RNF150: variants seen among roughly 807,000 people sequenced by gnomAD.
RNF150 encodes the protein ring finger protein 150.
A neutral mutation model predicts 39.3 loss-of-function variants in RNF150; 24 were observed. The observed-to-expected ratio is 0.61, with a 90% CI of 0.44 to 0.86. RNF150 has a LOEUF of 0.86. Ranked by LOEUF, RNF150 falls within the 40% of genes least tolerant of loss-of-function variation. RNF150 has a pLI of 0.00. For missense variants in RNF150, 502 were observed against 587.8 expected, an observed-to-expected ratio of 0.85 and a Z score of 1.51; for synonymous variants, 255 against 227.3, an observed-to-expected ratio of 1.12 and a Z score of -1.10.
chr4:141,038,392 T>C (rs760963759), intron 1 of RNF150, among the ~76,000 whole-genome samples: 5 of 152,062 alleles, frequency 3.3e-5, no homozygotes, highest in Admixed American at 6.6e-5. Flanking sequence ...GAGTAATAGA[T>C]TTAAAAAAGA....
intron 2 of RNF150, among the ~76,000 whole-genome samples, chr4:140,961,430 G>A (rs958972355): frequency 1.3e-5 from 2 of 152,080 alleles, no homozygotes; most frequent in African/African-American, 2.4e-5. Flanking sequence ...TGGATACTTC[G>A]ACAATGTAAA....
At chr4:141,057,191 G>T (rs1027754649) in intron 1 of RNF150, among the ~76,000 whole-genome samples, 1 of 151,900 alleles carries the variant, frequency 6.6e-6, no homozygotes, top group Non-Finnish European at 1.5e-5. Context: ...ACTTAAAACA[G>T]TGCCTTGCAT....
At chr4:140,906,734 C>A (rs771413013) in intron 6 of RNF150, among the ~76,000 whole-genome samples, 6 of 152,166 alleles carry the variant, frequency 3.9e-5, no homozygotes, top group Non-Finnish European at 7.3e-5. Context: ...ACACATCATG[C>A]CAAGTGCTTT....
intron 6 of RNF150, among the ~76,000 whole-genome samples, chr4:140,910,267 G>A (rs1730541448): frequency 6.6e-6 from 1 of 152,038 alleles, no homozygotes. Context: ...CAGTGAATAG[G>A]TTACTTCTGT....
At chr4:140,954,270 A>G (rs950504714) in intron 2 of RNF150, among the ~76,000 whole-genome samples, 3 of 151,986 alleles carry the variant, frequency 2.0e-5, no homozygotes, top group African/African-American at 7.2e-5. Context: ...CTGGAGTGCA[A>G]TGGCGTGAAT....
chr4:140,998,995 G>T (rs60417984), intron 1 of RNF150, among the ~76,000 whole-genome samples: 5 of 152,138 alleles, frequency 3.3e-5, no homozygotes, highest in African/African-American at 1.2e-4. Flanking sequence ...AAAGCCTCAC[G>T]AAGCAGGCTG....
At chr4:141,153,985 C>T (rs978651411) in intron 1 of RNF150, among the ~76,000 whole-genome samples, 5 of 152,204 alleles carry the variant, frequency 3.3e-5, no homozygotes, top group African/African-American at 9.7e-5. Flanking sequence ...CAAATTTCTC[C>T]ATCTCTCTGT....
intron 1 of RNF150, among the ~76,000 whole-genome samples, chr4:141,194,474 T>A (rs1728165853): frequency 6.6e-6 from 1 of 152,216 alleles, no homozygotes; most frequent in African/African-American, 2.4e-5. Context: ...GCCTTGTGAA[T>A]GCCAGATGTT....
At chr4:140,992,612 T>G (rs1455948230) in intron 1 of RNF150, among the ~76,000 whole-genome samples, 1 of 152,042 alleles carries the variant, frequency 6.6e-6, no homozygotes, top group Non-Finnish European at 1.5e-5. Flanking sequence ...TCCTCTACCT[T>G]TAACCCTCAG....
chr4:140,922,276 G>C (rs28868595), intron 5 of RNF150, among the ~76,000 whole-genome samples: 81,546 of 148,984 alleles, frequency 0.55, 22,857 homozygotes, highest in East Asian at 0.89. Context: ...CGAAGTCTCA[G>C]GACATAAAAT....
chr4:140,992,278 G>C (rs1301391165), intron 1 of RNF150, among the ~76,000 whole-genome samples: 1 of 152,134 alleles, frequency 6.6e-6, no homozygotes, highest in Non-Finnish European at 1.5e-5. Context: ...GCTGAGGTAG[G>C]AGGATCACTT....
chr4:140,895,154 G>A (rs1161661197), intron 6 of RNF150, among the ~76,000 whole-genome samples: 1 of 152,192 alleles, frequency 6.6e-6, no homozygotes, highest in Non-Finnish European at 1.5e-5. Context: ...GAGAGGGTCA[G>A]GGGGCACAGG....
At chr4:141,173,885 T>C (rs1476761440) in intron 1 of RNF150, among the ~76,000 whole-genome samples, 1 of 152,252 alleles carries the variant, frequency 6.6e-6, no homozygotes, top group African/African-American at 2.4e-5. Flanking sequence ...CTCATTCAAC[T>C]TTTCTTCTCA....
chr4:140,871,319 C>T (rs945022807), intron 6 of RNF150, among the ~76,000 whole-genome samples: 7 of 151,612 alleles, frequency 4.6e-5, no homozygotes, highest in African/African-American at 1.5e-4. Context: ...AACAAAGTTG[C>T]CTTTTTTACA....
intron 1 of RNF150, among the ~76,000 whole-genome samples, chr4:141,086,068 A>G (rs529664604): frequency 1.4e-5 from 2 of 141,720 alleles, no homozygotes; most frequent in African/African-American, 5.3e-5. Context: ...ACACACACAC[A>G]CCCTTCTAGG....
chr4:140,864,188 T>C lies in RNF150; in HGVS notation c.*4073A>G, dbSNP rs1013479744. 6.6e-6 allele frequency: 1 copy of C among 152,238 alleles called. No homozygotes were observed. The highest frequency in any genetic ancestry group is 2.4e-5 in the African/African-American group (1 of 41,452). 9.4% of individuals were successfully genotyped at this position (152,238 alleles called of 1,614,324 possible). A position where few individuals can be genotyped will look rare whatever the true frequency, so the allele number is the denominator to read the frequency against. On this transcript the variant is annotated 3_prime_UTR_variant, in exon 7 of 7. Coordinates refer to ENST00000515673, the MANE Select transcript of RNF150 (RefSeq NM_020724.2). ...CTCCATGATTCTGATCATTACCATG[T>C]GATGTCAAAAATGGGTAGGTACCTT...
intron 5 of RNF150, among the ~76,000 whole-genome samples, chr4:140,925,205 C>A (rs909332721): frequency 4.6e-5 from 7 of 152,138 alleles, no homozygotes; most frequent in Admixed American, 3.3e-4. Context: ...TGGTGGCCTG[C>A]CTTGCTTCCT....
chr4:141,074,520 G>T (rs1737822847), intron 1 of RNF150, among the ~76,000 whole-genome samples: 1 of 152,086 alleles, frequency 6.6e-6, no homozygotes, highest in Admixed American at 6.5e-5. Context: ...GCAACCTAGG[G>T]ATTAGCATCA....
At chr4:140,940,797 T>C (rs1030902771) in intron 4 of RNF150, among the ~76,000 whole-genome samples, 1 of 152,216 alleles carries the variant, frequency 6.6e-6, no homozygotes, top group Admixed American at 6.5e-5. Flanking sequence ...AGAATGGGTA[T>C]AAATATAGCT....
Sources: gnomAD v4.1 joint callset for allele counts (sites outside exome capture counted in the v4.1 genomes callset) on GRCh38, gnomAD v4.1.1 for gene constraint, MANE v1.5 for transcripts, NCBI Gene and HGNC (gene_info 2026-07-23, HGNC 2026-07-21) for gene names.